SHANK2: variants seen among roughly 807,000 people sequenced by gnomAD.
SHANK2 encodes SH3 and multiple ankyrin repeat domains 2.
A neutral mutation model predicts 133.7 loss-of-function variants in SHANK2; 43 were observed. The ratio of observed to expected loss-of-function variants is 0.32; its 90% CI spans 0.25 to 0.41. SHANK2 has a LOEUF of 0.41. Among genes scored for constraint, SHANK2 ranks in the 10% least tolerant of loss-of-function variants. The pLI is 1.00. For synonymous variants in SHANK2, 1,017 were observed against 952.8 expected, an observed-to-expected ratio of 1.07 and a Z score of -1.24; for missense variants, 1,994 against 2,235.8, an observed-to-expected ratio of 0.89 and a Z score of 2.18.
intron 14 of SHANK2, among the ~76,000 whole-genome samples, chr11:70,726,940 A>G (rs1178045982): frequency 6.6e-6 from 1 of 152,234 alleles, no homozygotes; most frequent in Non-Finnish European, 1.5e-5. Flanking sequence ...ATCCCTGCCA[A>G]CTTGCTGAGA....
intron 14 of SHANK2, among the ~76,000 whole-genome samples, chr11:70,737,836 C>T (rs550570914): frequency 2.3e-4 from 35 of 152,352 alleles, no homozygotes; most frequent in African/African-American, 8.2e-4. Context: ...GCAAGGAGGC[C>T]CGTCATTTGC....
At chr11:71,074,510 G>A (rs1246336066) in intron 9 of SHANK2, among the ~76,000 whole-genome samples, 1 of 152,128 alleles carries the variant, frequency 6.6e-6, no homozygotes, top group Non-Finnish European at 1.5e-5. Flanking sequence ...GTTTTGCTGT[G>A]TTTTGCTGCA....
Position 70,647,156 on chromosome 11 carries a change from G to A in SHANK2, c.2061+12672C>T, listed in dbSNP as rs553405564. On this transcript the variant is annotated intron_variant, in intron 17 of 25. Transcript: ENST00000601538. The stretch of plus-strand genomic sequence containing the variant: ...GCTGGGATTACAGGTATGAGCCACC[G>A]CGCCCAGCCAAAAGAAATCTAACTT... Among the ~76,000 whole-genome samples the A allele has an allele frequency of 1.0e-3, 158 of 152,182 alleles. 1 individual carries two copies. The highest frequency in any genetic ancestry group is 3.2e-3 in the African/African-American group (131 of 41,540).
intron 10 of SHANK2, among the ~76,000 whole-genome samples, chr11:70,907,389 T>C (rs1345001597): frequency 6.6e-6 from 1 of 152,168 alleles, no homozygotes; most frequent in African/African-American, 2.4e-5. Context: ...CACTGTGCGG[T>C]GGTCAGGACC....
intron 14 of SHANK2, among the ~76,000 whole-genome samples, chr11:70,752,897 T>C (rs1555037729): frequency 6.6e-6 from 1 of 151,760 alleles, no homozygotes; most frequent in Non-Finnish European, 1.5e-5. Context: ...GCAGATCACG[T>C]GAGGTCAGGA....
At chr11:70,835,087 C>T (rs532950631) in intron 11 of SHANK2, among the ~76,000 whole-genome samples, 60 of 152,318 alleles carry the variant, frequency 3.9e-4, no homozygotes, top group Admixed American at 2.8e-3. Flanking sequence ...GAATCACAGC[C>T]TCCAGACATT....
rs1180862660 is a variant in SHANK2, at chr11:70,469,521, G to GC, written c.*3347dup. 1 of 146,414 alleles carries GC rather than the reference G, an allele frequency of 6.8e-6. No homozygotes were observed. The highest frequency in any genetic ancestry group is 2.6e-5 in the African/African-American group (1 of 37,886). 9.1% of individuals were successfully genotyped at this position (146,414 alleles called of 1,614,324 possible). ...TTGGGAGAAAGTGCAAATTACAGGAGCTTTTTTTTTTTTTTATAAAGTCTA... is the reference window on the plus strand; with the variant it reads ...TTGGGAGAAAGTGCAAATTACAGGAGCCTTTTTTTTTTTTTTATAAAGTCTA... On this transcript the variant is annotated 3_prime_UTR_variant, in exon 26 of 26. Transcript: ENST00000601538.
At chr11:70,508,295 C>A (rs532587510) in intron 17 of SHANK2, among the ~76,000 whole-genome samples, 1 of 152,236 alleles carries the variant, frequency 6.6e-6, no homozygotes. Context: ...CCCACACTGA[C>A]CTTTCCCGAC....
At chr11:70,817,546 T>C (rs1166438029) in intron 12 of SHANK2, among the ~76,000 whole-genome samples, 1 of 152,172 alleles carries the variant, frequency 6.6e-6, no homozygotes, top group Non-Finnish European at 1.5e-5. Flanking sequence ...CAAACCTGAA[T>C]GGTTGGTCAC....
chr11:70,783,959 C>A (rs375931822), intron 14 of SHANK2, among the ~76,000 whole-genome samples: 2 of 152,154 alleles, frequency 1.3e-5, no homozygotes, highest in East Asian at 1.9e-4. Context: ...ACTGTGTGAG[C>A]CTTGGAGGTG....
At chr11:70,775,193 C>T (rs1447846723) in intron 14 of SHANK2, among the ~76,000 whole-genome samples, 4 of 152,184 alleles carry the variant, frequency 2.6e-5, no homozygotes, top group Admixed American at 2.6e-4. Context: ...TGTGGTGGCT[C>T]AGGCCTCTAA....
intron 17 of SHANK2, among the ~76,000 whole-genome samples, chr11:70,577,288 T>G (rs1015472763): frequency 9.9e-5 from 15 of 152,182 alleles, no homozygotes; most frequent in African/African-American, 3.4e-4. Flanking sequence ...GCAGGGGCCA[T>G]GATTTCTCCA....
At chr11:71,180,566 CA>C (rs1396844022) in intron 2 of SHANK2, among the ~76,000 whole-genome samples, 1 of 152,134 alleles carries the variant, frequency 6.6e-6, no homozygotes, top group Non-Finnish European at 1.5e-5. Flanking sequence ...AAAAAAACCC[CA>C]CACACAAAGT....
At chr11:70,616,877 G>T (rs2060750350) in intron 17 of SHANK2, among the ~76,000 whole-genome samples, 1 of 152,212 alleles carries the variant, frequency 6.6e-6, no homozygotes, top group South Asian at 2.1e-4. Context: ...GATGACAAAT[G>T]CCCCGCAAAG....
At chr11:70,778,158 C>T (rs1418104468) in intron 14 of SHANK2, among the ~76,000 whole-genome samples, 2 of 152,208 alleles carry the variant, frequency 1.3e-5, no homozygotes, top group Non-Finnish European at 2.9e-5. Context: ...AATCAGGAGT[C>T]ATGGACTCTG....
intron 17 of SHANK2, among the ~76,000 whole-genome samples, chr11:70,591,189 T>C (rs12282042): frequency 0.19 from 29,132 of 151,790 alleles, 3,108 homozygotes; most frequent in East Asian, 0.41. Context: ...CTGTCTCTAC[T>C]GAAAATACAA....
chr11:70,489,067 A>G, intron 24 of SHANK2: 1 of 478,006 alleles, frequency 2.1e-6, no homozygotes. Context: ...GAAATGAAAA[A>G]AAGTCCTAGG....
intron 14 of SHANK2, among the ~76,000 whole-genome samples, chr11:70,779,831 C>A (rs984232895): frequency 6.6e-6 from 1 of 152,312 alleles, no homozygotes; most frequent in Non-Finnish European, 1.5e-5. Flanking sequence ...CTGTCCTTGG[C>A]AAGCCATCTT....
At chr11:71,092,706 C>G (rs1441584462) in intron 7 of SHANK2, 117 bp from the exon 8 acceptor site, 1 of 966,544 alleles carries the variant, frequency 1.0e-6, no homozygotes, top group Non-Finnish European at 1.5e-6. Flanking sequence ...AACCCACACC[C>G]TGAGTACCCA....
Sources: gnomAD v4.1 joint callset for allele counts (sites outside exome capture counted in the v4.1 genomes callset) on GRCh38, gnomAD v4.1.1 for gene constraint, MANE v1.5 for transcripts, NCBI Gene and HGNC (gene_info 2026-07-23, HGNC 2026-07-21) for gene names.